The following LRP1B variants were observed in gnomAD, a reference collection of about 807,000 sequenced individuals.
LRP1B encodes the protein low-density lipoprotein receptor-related protein 1B.
In LRP1B, 217 loss-of-function variants were observed where a neutral mutation model predicts 556.6. The observed-to-expected ratio is 0.39, with a 90% CI of 0.35 to 0.44. The LOEUF (loss-of-function observed/expected upper bound fraction) is 0.44. LRP1B is among the 20% of genes least tolerant of loss of function. The pLI, the probability that LRP1B is intolerant of heterozygous loss-of-function variation, is 1.00. For synonymous variants in LRP1B, 2,047 were observed against 1,865.8 expected (o/e 1.10, Z -2.50); for missense variants, 5,053 against 5,620.8 (o/e 0.90, Z 3.23).
intron 41 of LRP1B, among the ~76,000 whole-genome samples, chr2:140,671,147 A>C (rs780063253): frequency 2.0e-5 from 3 of 152,236 alleles, no homozygotes; most frequent in Non-Finnish European, 4.4e-5. Flanking sequence ...TAAAGGTCAG[A>C]AGTCTACAAT....
intron 1 of LRP1B, among the ~76,000 whole-genome samples, chr2:142,087,084 A>G (rs1308741481): frequency 6.6e-6 from 1 of 152,202 alleles, no homozygotes; most frequent in Admixed American, 6.5e-5. Flanking sequence ...TCTCATTTCA[A>G]TAAATATAGT....
chr2:140,352,931 G>T, intron 76 of LRP1B, 22 bp downstream of exon 76: 2 of 1,593,242 alleles, frequency 1.3e-6, no homozygotes, highest in Non-Finnish European at 1.7e-6. Context: ...AATAGGATTT[G>T]CAATAGTGGT....
At chr2:140,440,743 A>ATGTGTGTGTGTGTG (rs375585057) in intron 66 of LRP1B, among the ~76,000 whole-genome samples, 157 of 150,598 alleles carry the variant, frequency 1.0e-3, no homozygotes, top group African/African-American at 2.2e-3. Flanking sequence ...CTCTGTATGT[A>ATGTGTGTGTGTGTG]TGTGTGTGTG....
At chr2:140,546,414 A>T (rs1362939988) in intron 43 of LRP1B, among the ~76,000 whole-genome samples, 2 of 152,060 alleles carry the variant, frequency 1.3e-5, no homozygotes, top group African/African-American at 4.8e-5. Context: ...TTATAAAGGA[A>T]AAAAGGTTTA....
At chr2:141,342,133 A>G (rs1398138665) in intron 3 of LRP1B, among the ~76,000 whole-genome samples, 1 of 151,192 alleles carries the variant, frequency 6.6e-6, no homozygotes, top group Admixed American at 6.6e-5. Context: ...AGTCCTAGCT[A>G]CTTGGGAGGC....
intron 31 of LRP1B, among the ~76,000 whole-genome samples, chr2:140,821,252 G>T (rs561873498): frequency 6.6e-6 from 1 of 151,840 alleles, no homozygotes; most frequent in African/African-American, 2.4e-5. Context: ...TACCTCCCCC[G>T]CACCCCCAAT....
At chr2:141,531,163 C>T (rs1022233307) in intron 2 of LRP1B, among the ~76,000 whole-genome samples, 1 of 152,020 alleles carries the variant, frequency 6.6e-6, no homozygotes, top group Admixed American at 6.6e-5. Flanking sequence ...CGCTCTGTAC[C>T]TGGGAGAGTT....
At chr2:141,919,794 G>A (rs1403669968) in intron 1 of LRP1B, among the ~76,000 whole-genome samples, 1 of 151,948 alleles carries the variant, frequency 6.6e-6, no homozygotes. Flanking sequence ...CTTATGAAGT[G>A]ATTTCATTTC....
intron 31 of LRP1B, among the ~76,000 whole-genome samples, chr2:140,821,898 G>A (rs1030778493): frequency 1.3e-5 from 2 of 152,042 alleles, no homozygotes; most frequent in Admixed American, 1.3e-4. Context: ...CACTCAGGAG[G>A]CTAAGGCAGG....
intron 7 of LRP1B, among the ~76,000 whole-genome samples, chr2:141,152,215 G>A (rs971482119): frequency 6.6e-6 from 1 of 151,854 alleles, no homozygotes; most frequent in Admixed American, 6.6e-5. Context: ...TGAGATTCAA[G>A]TTTCCTCGTC....
In LRP1B at chr2:141,931,714, G is replaced by T. The variant is rs114028360; in HGVS notation, c.83-121313C>A. Among the ~76,000 whole-genome samples, 529 of 152,054 alleles carry T rather than the reference G, an allele frequency of 3.5e-3. 2 individuals are homozygous for T. Among genetic ancestry groups the T allele is most frequent in the African/African-American group, 0.012 (494 of 41,528 alleles). ...TATGTGACTGGATTCTTTCATAAAA[G>T]AATGGGAATTTGATTTTAATTAAGA... On this transcript the variant is annotated intron_variant, in intron 1 of 90. Transcript: ENST00000389484.
chr2:141,886,205 G>A (rs1699104367), intron 1 of LRP1B, among the ~76,000 whole-genome samples: 1 of 152,164 alleles, frequency 6.6e-6, no homozygotes, highest in African/African-American at 2.4e-5. Flanking sequence ...TGTAATGACA[G>A]GAATGTAAAG....
chr2:142,040,504 A>G (rs1219559008), intron 1 of LRP1B, among the ~76,000 whole-genome samples: 1 of 151,280 alleles, frequency 6.6e-6, no homozygotes, highest in Non-Finnish European at 1.5e-5. Flanking sequence ...TTGGAGACTT[A>G]TTCTTCTTGA....
At chr2:141,069,184 C>T (rs999262862) in intron 7 of LRP1B, among the ~76,000 whole-genome samples, 4 of 152,026 alleles carry the variant, frequency 2.6e-5, no homozygotes, top group African/African-American at 9.7e-5. Flanking sequence ...CACCCCAGTA[C>T]TACCTCTCAT....
intron 1 of LRP1B, among the ~76,000 whole-genome samples, chr2:142,057,150 G>A (rs374308571): frequency 6.6e-5 from 10 of 152,146 alleles, no homozygotes; most frequent in Admixed American, 2.0e-4. Context: ...TCATTTTGGC[G>A]TTTAACCAAC....
chr2:140,858,501 G>A (rs867907805), intron 27 of LRP1B, among the ~76,000 whole-genome samples: 1 of 139,932 alleles, frequency 7.1e-6, no homozygotes, highest in Admixed American at 7.4e-5. Flanking sequence ...TTATATATAT[G>A]GAGAGAGAGA....
intron 9 of LRP1B, among the ~76,000 whole-genome samples, chr2:141,055,802 A>ATGTGTGTGTG (rs10664722): frequency 0.034 from 4,907 of 145,484 alleles, 90 homozygotes; most frequent in South Asian, 0.06. Flanking sequence ...TTACCACAAA[A>ATGTGTGTGTG]TGTGTGTGTG....
At chr2:140,480,949 G>A (rs1688211243) in intron 59 of LRP1B, among the ~76,000 whole-genome samples, 1 of 151,118 alleles carries the variant, frequency 6.6e-6, no homozygotes, top group Non-Finnish European at 1.5e-5. Flanking sequence ...TCACTGCAAC[G>A]TCCACCTCCT....
intron 88 of LRP1B, among the ~76,000 whole-genome samples, chr2:140,238,857 A>G (rs1680825600): frequency 6.6e-6 from 1 of 150,706 alleles, no homozygotes; most frequent in Non-Finnish European, 1.5e-5. Flanking sequence ...CTAAATCTCC[A>G]ATAGTTATCA....
Sources: allele counts gnomAD v4.1 joint callset (sites outside exome capture counted in the v4.1 genomes callset), GRCh38; gene constraint gnomAD v4.1.1; transcripts MANE v1.5; gene names NCBI Gene and HGNC (gene_info 2026-07-23, HGNC 2026-07-21).